Variants in TOP2A observed in about 807,000 individuals in gnomAD.
TOP2A encodes the protein DNA topoisomerase II alpha, also known as DNA topoisomerase 2-alpha.
TOP2A carries 68 observed loss-of-function variants against 187.2 expected under a neutral mutation model. That is an observed-to-expected ratio of 0.36 (90% confidence interval 0.30 to 0.44). TOP2A has a LOEUF of 0.44. Among genes scored for constraint, TOP2A ranks in the 20% least tolerant of loss-of-function variants. The pLI is 1.00. For missense variants in TOP2A, 1,196 were observed against 1,808.7 expected (o/e 0.66, Z 6.14); for synonymous variants, 542 against 593.2 (o/e 0.91, Z 1.25).
intron 34 of TOP2A, 127 bp downstream of exon 34, chr17:40,389,838 T>A: frequency 8.0e-7 from 1 of 1,255,032 alleles, no homozygotes; most frequent in Non-Finnish European, 1.1e-6. Context: ...ACTAAATATG[T>A]ACAGTAAAAG....
At chr17:40,414,605 G>A (rs1257829558) in intron 4 of TOP2A, among the ~76,000 whole-genome samples, 2 of 152,102 alleles carry the variant, frequency 1.3e-5, no homozygotes, top group Non-Finnish European at 2.9e-5. Flanking sequence ...AGCAATCCCA[G>A]CACTTTGGGA....
intron 24 of TOP2A, 75 bp from the exon 25 acceptor site, chr17:40,399,206 C>G (rs142152715): frequency 1.7e-5 from 18 of 1,078,980 alleles, no homozygotes; most frequent in Non-Finnish European, 2.0e-5. Flanking sequence ...TTACACAAGT[C>G]AAAAGTTTAA....
In TOP2A at chr17:40,407,883, A is replaced by T. The variant is rs555203830; in HGVS notation, c.1500+84T>A. ...CAAATTGTCTAAAATATATTTTAAAATGCCTAATGAGGGAATTAAATATAA... is the reference window on the plus strand; with the variant it reads ...CAAATTGTCTAAAATATATTTTAAATTGCCTAATGAGGGAATTAAATATAA... On this transcript the variant is annotated intron_variant, in intron 12 of 34. Transcript: ENST00000423485. 4 of 1,392,878 alleles carry T rather than the reference A, an allele frequency of 2.9e-6. No individual in the cohort carries two copies. The South Asian group carries it at 5.6e-5, about 19-fold the overall frequency. 86.3% of individuals were successfully genotyped at this position (1,392,878 alleles called of 1,614,324 possible). A position where few individuals can be genotyped will look rare whatever the true frequency, so the allele number is the denominator to read the frequency against.
chr17:40,389,375 T>G lies in TOP2A; in HGVS notation c.*144A>C, dbSNP rs2034994604. 2 of 858,700 alleles carry G rather than the reference T, an allele frequency of 2.3e-6. No individual in the cohort carries two copies. Among genetic ancestry groups the G allele is most frequent in the Admixed American group, 6.1e-5 (2 of 32,986 alleles). 53.2% of individuals were successfully genotyped at this position (858,700 alleles called of 1,614,324 possible). On this transcript the variant is annotated 3_prime_UTR_variant, in exon 35 of 35. Transcript: ENST00000423485. ...GTATTATAAAAAGCTAAAGAACACT[T>G]GGGCTTTACTTCACTTTGATGTCTT...
Position 40,391,512 on chromosome 17 carries a change from C to T in TOP2A, c.4261G>A (p.Ala1421Thr), listed in dbSNP as rs1468982771. Residue 1421 changes from alanine (A) to threonine (T), a missense_variant, in exon 33 of 35, where the codon GCA becomes ACA. Ala to Thr is a moderately conservative substitution (Grantham distance 58). Around this residue, in one of 10 missense-constraint regions of TOP2A, gnomAD observed 374 missense variants for 403.3 expected, o/e 0.93. Coordinates refer to ENST00000423485, the MANE Select transcript of TOP2A (RefSeq NM_001067.4). ...CTCAAAGATTTAGGCTTACTTTTTG[C>T]TGCTGTCTTCTTCACTGTCACATTC... ...KKNVTVKKTAAKSQSSTSTTG... is the reference protein window; with the variant it reads ...KKNVTVKKTATKSQSSTSTTG... 4 of 1,608,606 alleles carry T rather than the reference C, an allele frequency of 2.5e-6. No individual in the cohort carries two copies. Among genetic ancestry groups the T allele is most frequent in the Admixed American group, 1.7e-5 (1 of 58,668 alleles).
chr17:40,400,053 G>T lies in TOP2A; in HGVS notation c.3015C>A (p.His1005Gln), dbSNP rs372742697. The stretch of plus-strand genomic sequence containing the variant: ...TGTCATATTTCTTTAAACAGCCTAC[G>T]TGGTCAAAAAGCACCTGAAAAAGGA... ...LTCNSMVLFD[H>Q]VGCLKKYDTV... The change falls in exon 24 of 35, where the codon CAC becomes CAA. Residue 1005 changes from histidine (H) to glutamine (Q), a missense_variant. By Grantham distance (24) the His-to-Gln change is conservative. Coordinates refer to ENST00000423485, the MANE Select transcript of TOP2A (RefSeq NM_001067.4). 6.2e-7 allele frequency: 1 copy of T among 1,605,484 alleles called. No homozygotes were observed.
At chr17:40,416,970 C>G in intron 1 of TOP2A, 75 bp from the exon 2 acceptor site, 1 of 1,296,754 alleles carries the variant, frequency 7.7e-7, no homozygotes. Context: ...AACAAAATGC[C>G]TACCATAGTG....
chr17:40,417,541 A>C lies in TOP2A; in HGVS notation c.21+230T>G. 3 of 1,424,850 alleles carry C rather than the reference A, an allele frequency of 2.1e-6. No individual in the cohort carries two copies. The South Asian group carries it at 4.5e-5, about 21-fold the overall frequency. 88.3% of individuals were successfully genotyped at this position (1,424,850 alleles called of 1,614,324 possible). A position where few individuals can be genotyped will look rare whatever the true frequency, so the allele number is the denominator to read the frequency against. On this transcript the variant is annotated intron_variant, in intron 1 of 34. Coordinates refer to ENST00000423485, the MANE Select transcript of TOP2A (RefSeq NM_001067.4). ...GGGACCAACGGACTCCTGCCCCTAGAAACAGGGCAACAACGCACGACACCC... is the reference window on the plus strand; with the variant it reads ...GGGACCAACGGACTCCTGCCCCTAGCAACAGGGCAACAACGCACGACACCC...
chr17:40,401,721 A>C (rs2035183302), intron 20 of TOP2A, among the ~76,000 whole-genome samples: 1 of 152,154 alleles, frequency 6.6e-6, no homozygotes, highest in South Asian at 2.1e-4. Flanking sequence ...AAAGAAAAAA[A>C]AACAACAAAA....
At position 40,416,439 on chromosome 17, in the gene TOP2A, AT is replaced by A; in HGVS notation, c.250del (p.Ile84SerfsTer6). The A allele has an allele frequency of 6.3e-7, 1 of 1,594,640 alleles. No individual in the cohort carries two copies. Among genetic ancestry groups the A allele is most frequent in the East Asian group, 2.3e-5 (1 of 44,410 alleles). ...TTACTCACCTAGAATCTCATCAAAG[AT>A]TTTGTACAAACCAGGAACAAAAGTG... ...EVTFVPGLYK[I>X]FDEILVNAAD... On this transcript the variant is annotated frameshift_variant, in exon 3 of 35. Transcript: ENST00000423485. LOFTEE classifies it high-confidence loss of function.
At chr17:40,408,851 A>G (rs1415002032) in intron 10 of TOP2A, 1 of 648,732 alleles carries the variant, frequency 1.5e-6, no homozygotes, top group Non-Finnish European at 2.8e-6. Flanking sequence ...AATATTTACT[A>G]TATAATTATA....
intron 33 of TOP2A, 52 bp downstream of exon 33, chr17:40,391,454 G>A: frequency 6.5e-7 from 1 of 1,533,080 alleles, no homozygotes; most frequent in South Asian, 1.3e-5. Context: ...TAGACACGTG[G>A]AAACCAGTTA....
chr17:40,408,019 A>AC lies in TOP2A; in HGVS notation c.1447dup (p.Val483GlyfsTer5). 6.2e-7 allele frequency: 1 copy of AC among 1,612,608 alleles called. No homozygotes were observed. Among genetic ancestry groups the AC allele is most frequent in the South Asian group, 1.1e-5 (1 of 90,934 alleles). On this transcript the variant is annotated frameshift_variant, in exon 12 of 35. Transcript: ENST00000423485. LOFTEE classifies it high-confidence loss of function. ...GAGTATTTTTCCTCTAAGAGGGAAA[A>AC]CCCCATATTTGTCTCTCCCAACCAC... is the stretch of plus-strand genomic sequence containing the variant.
At chr17:40,404,590 AT>A in intron 17 of TOP2A, 99 bp from the exon 18 acceptor site, 1 of 775,390 alleles carries the variant, frequency 1.3e-6, no homozygotes, top group East Asian at 2.7e-5. Flanking sequence ...TATTTCTGTA[AT>A]TCTTAAGTCT....
At chr17:40,409,666 T>A (rs2035295451) in intron 10 of TOP2A, 1 of 225,218 alleles carries the variant, frequency 4.4e-6, no homozygotes, top group Admixed American at 5.7e-5. Flanking sequence ...GGCTGGAGAA[T>A]CCCAGCTACT....
At chr17:40,398,744 C>T (rs2143642064) in intron 26 of TOP2A, 29 bp downstream of exon 26, 1 of 1,603,406 alleles carries the variant, frequency 6.2e-7, no homozygotes, top group Non-Finnish European at 8.5e-7. Context: ...CAAAACTAAG[C>T]AGCATGTACC....
chr17:40,417,531 C>A, intron 1 of TOP2A: 1 of 1,423,112 alleles, frequency 7.0e-7, no homozygotes, highest in African/African-American at 1.4e-5. Context: ...CAACGGACTC[C>A]TGCCCCTAGA....
chr17:40,402,082 AT>A lies in TOP2A; in HGVS notation c.2432+823del, dbSNP rs1240767329. Among the ~76,000 whole-genome samples the A allele has an allele frequency of 2.6e-5, 4 of 152,284 alleles. No homozygotes were observed. In the East Asian group the frequency reaches 7.7e-4, roughly 29 times the overall value. ...ATGGGGGTGGCTTAGTATTTTTCCA[AT>A]GCAGATCCTATAGGATTGGCTGAGG... On this transcript the variant is annotated intron_variant, in intron 20 of 34. Coordinates refer to ENST00000423485, the MANE Select transcript of TOP2A (RefSeq NM_001067.4).
chr17:40,411,871 C>A lies in TOP2A; in HGVS notation c.790-53G>T. The A allele has an allele frequency of 7.0e-7, 1 of 1,418,598 alleles. No individual in the cohort carries two copies. Among genetic ancestry groups the A allele is most frequent in the Admixed American group, 2.5e-5 (1 of 40,100 alleles). The allele number at this position is 1,418,598 out of a possible 1,614,324, so 87.9% of individuals were successfully genotyped here. A position where few individuals can be genotyped will look rare whatever the true frequency, so the allele number is the denominator to read the frequency against. Reference sequence around the variant, plus strand: ...TAAGAAAGTTATTAAAAAATAGGTTCAATGATAGACTATGAGGACTTTCCA... The same window carrying A: ...TAAGAAAGTTATTAAAAAATAGGTTAAATGATAGACTATGAGGACTTTCCA... On this transcript the variant is annotated intron_variant, in intron 7 of 34. Coordinates refer to ENST00000423485, the MANE Select transcript of TOP2A (RefSeq NM_001067.4). The surrounding 1 kb of genome is among the most constrained non-coding windows in gnomAD (Gnocchi z 4.4).
Sources: allele counts gnomAD v4.1 joint callset (sites outside exome capture counted in the v4.1 genomes callset), GRCh38; gene constraint gnomAD v4.1.1; regional missense constraint gnomAD v4.1.1; non-coding constraint Gnocchi (gnomAD v3.1); transcripts MANE v1.5; gene names NCBI Gene and HGNC (gene_info 2026-07-23, HGNC 2026-07-21).